The following SLA variants were observed in gnomAD, a reference collection of about 807,000 sequenced individuals.
The protein encoded by SLA is src-like-adapter.
A neutral mutation model predicts 30.3 loss-of-function variants in SLA; 16 were observed. That is an observed-to-expected ratio of 0.53 (90% confidence interval 0.36 to 0.80). SLA has a LOEUF of 0.80. Ranked by LOEUF, SLA falls within the 30% of genes least tolerant of loss-of-function variation. The pLI, the probability that SLA is intolerant of heterozygous loss-of-function variation, is 0.01. For synonymous variants in SLA, 143 were observed against 137.8 expected, an observed-to-expected ratio of 1.04 and a Z score of -0.26; for missense variants, 310 against 345.2, an observed-to-expected ratio of 0.90 and a Z score of 0.81.
At chr8:133,077,818 G>A (rs1020045084) in intron 1 of SLA, among the ~76,000 whole-genome samples, 1 of 151,710 alleles carries the variant, frequency 6.6e-6, no homozygotes, top group African/African-American at 2.4e-5. Context: ...TGCATTGGAG[G>A]ATGTGCCACA....
At chr8:133,065,984 C>G (rs922573469) in intron 2 of SLA, among the ~76,000 whole-genome samples, 1 of 151,874 alleles carries the variant, frequency 6.6e-6, no homozygotes, top group African/African-American at 2.4e-5. Context: ...AACAAGAGAG[C>G]GAGGCCAGTT....
chr8:133,091,728 CTA>C (rs1588067138), intron 1 of SLA, among the ~76,000 whole-genome samples: 1 of 151,398 alleles, frequency 6.6e-6, no homozygotes, highest in Admixed American at 6.6e-5. Flanking sequence ...GAGTGTGTGT[CTA>C]TGTGTGTGGG....
At chr8:133,094,563 C>T (rs567291476) in intron 1 of SLA, 2 of 229,668 alleles carry the variant, frequency 8.7e-6, no homozygotes, top group Non-Finnish European at 8.8e-6. Context: ...TTTACCCTTA[C>T]AAAGACTGTG....
intron 2 of SLA, among the ~76,000 whole-genome samples, chr8:133,071,433 C>T (rs769389245): frequency 2.0e-5 from 3 of 152,164 alleles, no homozygotes; most frequent in Non-Finnish European, 2.9e-5. Flanking sequence ...TAAAGCAGAG[C>T]TCTCCTTTTT....
rs573117867 is a variant in SLA at position 133,038,470 on chromosome 8, C to T, written c.*54G>A. On this transcript the variant is annotated 3_prime_UTR_variant, in exon 9 of 9. Transcript: ENST00000338087. ...ACCTCGCTTTTCGCAAGATCCCAGG[C>T]AATAGTTGGAACTTCTGTTCCTTTT... The T allele has an allele frequency of 2.2e-6, 3 of 1,390,918 alleles. No individual in the cohort carries two copies. The South Asian group carries it at 3.5e-5, about 16-fold the overall frequency. 86.2% of individuals were successfully genotyped at this position (1,390,918 alleles called of 1,614,324 possible).
At chr8:133,040,912 G>C (rs1167477786) in intron 7 of SLA, among the ~76,000 whole-genome samples, 1 of 152,158 alleles carries the variant, frequency 6.6e-6, no homozygotes, top group African/African-American at 2.4e-5. Context: ...AAATAAACCC[G>C]TTTCTTTTTT....
chr8:133,080,209 A>C (rs1016850629), intron 1 of SLA, among the ~76,000 whole-genome samples: 6 of 152,192 alleles, frequency 3.9e-5, no homozygotes, highest in African/African-American at 1.4e-4. Flanking sequence ...TGGGGCTGGA[A>C]ATACTTGTGT....
intron 3 of SLA, among the ~76,000 whole-genome samples, chr8:133,055,285 T>A (rs2741198): frequency 0.059 from 8,997 of 151,830 alleles, 827 homozygotes; most frequent in East Asian, 0.43. Flanking sequence ...CCTGGAGTCA[T>A]GGCTAAACTC....
chr8:133,102,520 G>T, intron 1 of SLA, 33 bp downstream of exon 1: 1 of 1,550,430 alleles, frequency 6.4e-7, no homozygotes, highest in Non-Finnish European at 8.7e-7. Context: ...GCCCACCCAG[G>T]GGGTCCCAAT....
At chr8:133,042,816 TC>T (rs1396152403) in intron 7 of SLA, among the ~76,000 whole-genome samples, 1 of 149,214 alleles carries the variant, frequency 6.7e-6, no homozygotes, top group Non-Finnish European at 1.5e-5. Flanking sequence ...GCCTCAGCCT[TC>T]CGAATAGTTG....
Position 133,047,912 on chromosome 8 carries a change from G to T in SLA, c.270C>A (p.Gly90=). ...GCAGCAGCTCCTCGGCCTTGTCTCT[G>T]CCCAGGCCCTCAAACAGCCAGCTGG... ...VYHGWLFEGL[G]RDKAEELLQL... is the part of the protein sequence containing the mutation. The change falls in exon 6 of 9, where the codon GGC becomes GGA. Residue 90 remains glycine, a synonymous_variant. Coordinates refer to ENST00000338087, the MANE Select transcript of SLA (RefSeq NM_001045556.3). The T allele has an allele frequency of 6.2e-7, 1 of 1,610,632 alleles. No homozygotes were observed. The highest frequency in any genetic ancestry group is 2.2e-5 in the East Asian group (1 of 44,840).
rs1391048126 is a variant in SLA, at chr8:133,057,721, G to T, written c.61+2379C>A. Among the ~76,000 whole-genome samples, 3 of 143,792 alleles carry T rather than the reference G, an allele frequency of 2.1e-5. No homozygotes were observed. In the East Asian group the frequency reaches 6.0e-4, roughly 29 times the overall value. 94.3% of individuals were successfully genotyped at this position (143,792 alleles called of 152,430 possible). On this transcript the variant is annotated intron_variant, in intron 3 of 8. Transcript: ENST00000338087. ...GTAGGTTTAAGACATTAGTTCCTGA[G>T]AAATTGACTAATCAAGAATATTCTG...
chr8:133,071,911 G>C (rs145594245), intron 2 of SLA, among the ~76,000 whole-genome samples: 1 of 152,148 alleles, frequency 6.6e-6, no homozygotes, highest in Non-Finnish European at 1.5e-5. Flanking sequence ...TGATCTAGCC[G>C]GTGTCTGGCA....
intron 1 of SLA, among the ~76,000 whole-genome samples, chr8:133,090,717 C>T (rs527633994): frequency 4.6e-5 from 7 of 152,246 alleles, no homozygotes; most frequent in East Asian, 1.9e-4. Flanking sequence ...GCTCTGTGAA[C>T]GCTGATCATA....
rs1312514400 is a variant in SLA, at chr8:133,077,745, GTGTGTGTGTGTGTGTGTGTGTTTGTA to G, written c.-318-2641_-318-2616del. On this transcript the variant is annotated intron_variant, in intron 1 of 8. Coordinates refer to ENST00000338087, the MANE Select transcript of SLA (RefSeq NM_001045556.3). ...CATTCTCTGGTGTGTATGTGTGTGT[GTGTGTGTGTGTGTGTGTGTGTTTGTA>G]TGTGTGTGTGTGCGGCAGAGTTGCA... Among the ~76,000 whole-genome samples the G allele has an allele frequency of 1.3e-3, 203 of 151,886 alleles. 3 individuals are homozygous for G. The highest frequency in any genetic ancestry group is 4.2e-3 in the African/African-American group (173 of 41,418).
chr8:133,050,072 C>T, intron 4 of SLA, 84 bp from the exon 5 acceptor site: 1 of 916,110 alleles, frequency 1.1e-6, no homozygotes, highest in Non-Finnish European at 1.8e-6. Flanking sequence ...TCAGATTTAA[C>T]CCAGGACAGT....
chr8:133,072,565 G>C (rs1029613588), intron 2 of SLA, among the ~76,000 whole-genome samples: 1 of 152,190 alleles, frequency 6.6e-6, no homozygotes, highest in Non-Finnish European at 1.5e-5. Context: ...GTTTTGATGG[G>C]AACTTTAAGT....
At chr8:133,057,142 G>T (rs1388057890) in intron 3 of SLA, among the ~76,000 whole-genome samples, 3 of 139,774 alleles carry the variant, frequency 2.1e-5, no homozygotes, top group Admixed American at 7.3e-5. Flanking sequence ...TTCTACCCTT[G>T]CACGGACAGA....
chr8:133,063,323 C>G (rs1842647518), intron 2 of SLA, among the ~76,000 whole-genome samples: 1 of 151,322 alleles, frequency 6.6e-6, no homozygotes, highest in African/African-American at 2.4e-5. Flanking sequence ...TTCTAAGCAG[C>G]AGGCTCCCAC....
Sources: allele counts gnomAD v4.1 joint callset (sites outside exome capture counted in the v4.1 genomes callset), GRCh38; gene constraint gnomAD v4.1.1; transcripts MANE v1.5; gene names NCBI Gene and HGNC (gene_info 2026-07-23, HGNC 2026-07-21).